Variants in ARID3B observed in about 807,000 individuals in gnomAD.
ARID3B encodes AT-rich interactive domain-containing protein 3B.
A neutral mutation model predicts 51.9 loss-of-function variants in ARID3B; 10 were observed. The ratio of observed to expected loss-of-function variants is 0.19; its 90% confidence interval spans 0.12 to 0.33. The LOEUF is 0.33. Among genes scored for constraint, ARID3B ranks in the 10% least tolerant of loss-of-function variants. The pLI, the probability that ARID3B is intolerant of heterozygous loss-of-function variation, is 1.00. For synonymous variants in ARID3B, 205 were observed against 279.5 expected (o/e 0.73, Z 2.66); for missense variants, 483 against 716.3 (o/e 0.67, Z 3.72).
chr15:74,570,297 A>G (rs2061714365), intron 2 of ARID3B, among the ~76,000 whole-genome samples: 1 of 152,070 alleles, frequency 6.6e-6, no homozygotes, highest in African/African-American at 2.4e-5. Flanking sequence ...ATTTTCACAC[A>G]TAGTCACATA....
intron 2 of ARID3B, among the ~76,000 whole-genome samples, chr15:74,570,460 A>C: frequency 8.8e-6 from 1 of 113,302 alleles, no homozygotes; most frequent in Non-Finnish European, 1.8e-5. Flanking sequence ...TACTATAATT[A>C]GCAAAAAAAA....
intron 8 of ARID3B, among the ~76,000 whole-genome samples, chr15:74,593,793 C>T (rs1333137046): frequency 6.6e-6 from 1 of 152,202 alleles, no homozygotes; most frequent in East Asian, 1.9e-4. Flanking sequence ...GTAATCCTTG[C>T]ACTTTGGGAG....
intron 2 of ARID3B, among the ~76,000 whole-genome samples, chr15:74,571,684 T>C (rs16970129): frequency 0.025 from 3,757 of 152,330 alleles, 151 homozygotes; most frequent in African/African-American, 0.087. Context: ...GCTTACCATA[T>C]GGTGAGGATG....
intron 4 of ARID3B, chr15:74,574,551 G>A (rs536120434): frequency 6.6e-6 from 1 of 152,032 alleles, no homozygotes; most frequent in East Asian, 1.9e-4. Context: ...TGCCTTCTTG[G>A]TGTAGCCTGC....
At chr15:74,544,680 T>C (rs912170625) in intron 2 of ARID3B, among the ~76,000 whole-genome samples, 192 bp downstream of exon 2, 5 of 151,754 alleles carry the variant, frequency 3.3e-5, no homozygotes, top group African/African-American at 9.7e-5. Context: ...CAATGAAATA[T>C]ATGTTACTCT....
chr15:74,583,781 C>T (rs1411831959), intron 4 of ARID3B, among the ~76,000 whole-genome samples: 4 of 151,796 alleles, frequency 2.6e-5, no homozygotes, highest in Admixed American at 6.6e-5. Flanking sequence ...TTTGGAAGTA[C>T]ACATCTAGTG....
intron 4 of ARID3B, among the ~76,000 whole-genome samples, chr15:74,581,096 G>T (rs2061760411): frequency 6.6e-6 from 1 of 152,176 alleles, no homozygotes; most frequent in Admixed American, 6.5e-5. Flanking sequence ...TGCCCCATCT[G>T]GGCACACCAG....
intron 2 of ARID3B, among the ~76,000 whole-genome samples, chr15:74,544,712 A>T (rs1390511774): frequency 7.2e-6 from 1 of 139,444 alleles, no homozygotes; most frequent in Non-Finnish European, 1.5e-5. Context: ...TTTTTTTGAC[A>T]TGGAGTCTCA....
intron 7 of ARID3B, among the ~76,000 whole-genome samples, chr15:74,592,044 C>A (rs1270203059): frequency 6.6e-6 from 1 of 152,224 alleles, no homozygotes; most frequent in Non-Finnish European, 1.5e-5. Flanking sequence ...GCCCTGTTCT[C>A]TAGTAAGAGG....
intron 4 of ARID3B, among the ~76,000 whole-genome samples, chr15:74,588,444 G>A (rs1312389523): frequency 6.6e-6 from 1 of 152,136 alleles, no homozygotes; most frequent in East Asian, 1.9e-4. Flanking sequence ...TGCTCAGGTT[G>A]GTTTAAGGTC....
At chr15:74,595,058 C>T (rs2061819128) in intron 8 of ARID3B, among the ~76,000 whole-genome samples, 4 of 152,164 alleles carry the variant, frequency 2.6e-5, no homozygotes, top group African/African-American at 9.7e-5. Flanking sequence ...AGAAGGGAGC[C>T]AGTCACCCAC....
rs200430821 is a variant in ARID3B, at chr15:74,572,862, A to G, written c.553A>G (p.Asn185Asp). The G allele has an allele frequency of 2.0e-4, 323 of 1,613,904 alleles. 1 individual carries two copies. In the East Asian group the frequency reaches 6.1e-3, roughly 30 times the overall value. Residue 185 changes from asparagine to aspartate, a missense_variant and splice_region_variant, in exon 3 of 9, where the codon AAT becomes GAT. Transcript: ENST00000346246. ...AACTTTGTGTTTTGTTCCCTTTTAG[A>G]ATGGTGGTTTGGCCTGGAGTGATGA... ...NWNLDEQLKQ[N>D]GGLAWSDDAD... is the part of the protein sequence containing the mutation.
chr15:74,558,066 C>T (rs1367734460), intron 2 of ARID3B, among the ~76,000 whole-genome samples: 1 of 151,940 alleles, frequency 6.6e-6, no homozygotes, highest in Non-Finnish European at 1.5e-5. Flanking sequence ...CATGATCCGC[C>T]CACCTCGGCC....
chr15:74,561,668 A>G (rs2061679912), intron 2 of ARID3B, among the ~76,000 whole-genome samples: 1 of 152,214 alleles, frequency 6.6e-6, no homozygotes, highest in South Asian at 2.1e-4. Context: ...AGGGATAATA[A>G]TAGTACCCAC....
At chr15:74,543,110 C>T (rs117544203) in intron 1 of ARID3B, among the ~76,000 whole-genome samples, 3,470 of 152,324 alleles carry the variant, frequency 0.023, 58 homozygotes, top group Middle Eastern at 0.058. Flanking sequence ...ACTTTAAAAT[C>T]TCCAGAGGAA....
intron 4 of ARID3B, among the ~76,000 whole-genome samples, chr15:74,577,825 A>T (rs2061743526): frequency 6.6e-6 from 1 of 151,966 alleles, no homozygotes; most frequent in South Asian, 2.1e-4. Flanking sequence ...GAACCACCAC[A>T]CCGTGCTGGG....
Position 74,597,563 on chromosome 15 carries a change from C to T in ARID3B, c.*1789C>T, listed in dbSNP as rs949780573. 5 of 535,732 alleles carry T rather than the reference C, an allele frequency of 9.3e-6. No individual in the cohort carries two copies. The highest frequency in any genetic ancestry group is 3.7e-5 in the African/African-American group (2 of 53,892). 33.2% of individuals were successfully genotyped at this position (535,732 alleles called of 1,614,324 possible). ...CTCCCGAGGGCTGACCTCCTCTGGCCTCAGCCTGCAGGGTGTGGGCAGAGA... is the reference window on the plus strand; with the variant it reads ...CTCCCGAGGGCTGACCTCCTCTGGCTTCAGCCTGCAGGGTGTGGGCAGAGA... On this transcript the variant is annotated 3_prime_UTR_variant, in exon 9 of 9. Coordinates refer to ENST00000346246, the MANE Select transcript of ARID3B (RefSeq NM_006465.4).
At chr15:74,573,746 CTT>C (rs111373349) in intron 4 of ARID3B, 43 of 146,082 alleles carry the variant, frequency 2.9e-4, no homozygotes, top group Admixed American at 6.7e-4. Context: ...AGGCATCTGC[CTT>C]TTTTTTTTTT....
intron 4 of ARID3B, among the ~76,000 whole-genome samples, chr15:74,577,377 C>T (rs1334275214): frequency 2.0e-5 from 3 of 151,896 alleles, no homozygotes; most frequent in Non-Finnish European, 1.5e-5. Context: ...ATCACTTGAA[C>T]CCGGGAGGCG....
Sources: allele counts gnomAD v4.1 joint callset (sites outside exome capture counted in the v4.1 genomes callset), GRCh38; gene constraint gnomAD v4.1.1; transcripts MANE v1.5; gene names NCBI Gene and HGNC (gene_info 2026-07-23, HGNC 2026-07-21).